The following GSR variants were observed in gnomAD, a reference collection of about 807,000 sequenced individuals.
The protein encoded by GSR is glutathione-disulfide reductase.
A neutral mutation model predicts 56.5 loss-of-function variants in GSR; 48 were observed. That is an observed-to-expected ratio of 0.85 (90% CI 0.67 to 1.08). The LOEUF (loss-of-function observed/expected upper bound fraction) is 1.08. Among genes scored for constraint, GSR ranks in the 50% least tolerant of loss-of-function variants. The pLI is 0.00. For synonymous variants in GSR, 264 were observed against 270.8 expected (o/e 0.97, Z 0.25); for missense variants, 694 against 703.3 (o/e 0.99, Z 0.15).
At chr8:30,690,491 AAAGT>A (rs2128740530) in intron 8 of GSR, among the ~76,000 whole-genome samples, 1 of 152,200 alleles carries the variant, frequency 6.6e-6, no homozygotes, top group Admixed American at 6.6e-5. Context: ...GGAATGAAGG[AAAGT>A]AAGACTTGGG....
intron 9 of GSR, among the ~76,000 whole-genome samples, chr8:30,686,009 A>C (rs1320789449): frequency 6.6e-6 from 1 of 151,210 alleles, no homozygotes; most frequent in East Asian, 1.9e-4. Flanking sequence ...AAAAAAAAAA[A>C]AAAAGAGTAC....
At chr8:30,686,503 C>T (rs1162559707) in intron 9 of GSR, among the ~76,000 whole-genome samples, 9 of 151,898 alleles carry the variant, frequency 5.9e-5, no homozygotes, top group Admixed American at 2.0e-4. Flanking sequence ...GGTAATACAG[C>T]GAGACCTTGT....
At chr8:30,689,901 T>A (rs1386206576) in intron 8 of GSR, among the ~76,000 whole-genome samples, 1 of 142,806 alleles carries the variant, frequency 7.0e-6, no homozygotes, top group African/African-American at 2.5e-5. Context: ...AATTATATTT[T>A]TATTAAATAT....
chr8:30,708,178 TC>T (rs776645938), intron 3 of GSR, 37 bp from the exon 4 acceptor site: 1 of 1,439,920 alleles, frequency 6.9e-7, no homozygotes, highest in Non-Finnish European at 9.8e-7. Flanking sequence ...AGAAACAGGA[TC>T]TTCCCCTTCT....
chr8:30,703,203 G>C lies in GSR; in HGVS notation c.530C>G (p.Thr177Arg). ...CTCTATTGTGGGCTTGGGATCACTCGTGAAGGCTGCATGGCCACGGATGAT... is the reference window on the plus strand; with the variant it reads ...CTCTATTGTGGGCTTGGGATCACTCCTGAAGGCTGCATGGCCACGGATGAT... ...IEIIRGHAAF[T>R]SDPKPTIEVS... Residue 177 changes from threonine (T) to arginine (R), a missense_variant, in exon 5 of 13, where the codon ACG (threonine) becomes AGG (arginine). Transcript: ENST00000221130. 6.2e-7 allele frequency: 1 copy of C among 1,613,932 alleles called. No individual in the cohort carries two copies. Among genetic ancestry groups the C allele is most frequent in the Non-Finnish European group, 8.5e-7 (1 of 1,179,836 alleles).
chr8:30,697,422 AAAACAAAC>A (rs150485496), intron 6 of GSR, among the ~76,000 whole-genome samples: 20 of 148,276 alleles, frequency 1.3e-4, no homozygotes, highest in African/African-American at 2.5e-4. Context: ...TCAAAAAAAC[AAAACAAAC>A]AAACAAACAA....
Position 30,689,291 on chromosome 8 carries a change from C to A in GSR, c.911G>T (p.Gly304Val), listed in dbSNP as rs1274738448. The change falls in exon 9 of 13, where the codon GGC becomes GTC. Residue 304 changes from glycine to valine, a missense_variant. By Grantham distance (109) the Gly-to-Val change is moderately radical (BLOSUM62 -3). Coordinates refer to ENST00000221130, the MANE Select transcript of GSR (RefSeq NM_000637.5). The part of the protein sequence containing the change: ...QVKEVKKTLS[G>V]LEVSMVTAVP... ...TGCAGTAACCATGCTGACTTCCAAGCCCGACAAAGTCTTTTTAACCTCCTT... is the reference window on the plus strand; with the variant it reads ...TGCAGTAACCATGCTGACTTCCAAGACCGACAAAGTCTTTTTAACCTCCTT... 2 of 1,614,082 alleles carry A rather than the reference C, an allele frequency of 1.2e-6. No homozygotes were observed. Among genetic ancestry groups the A allele is most frequent in the African/African-American group, 1.3e-5 (1 of 75,044 alleles).
At chr8:30,704,542 T>C (rs1230002486) in intron 4 of GSR, 1 of 152,220 alleles carries the variant, frequency 6.6e-6, no homozygotes, top group Non-Finnish European at 1.5e-5. Flanking sequence ...ACTTTTGGAT[T>C]TGCTCTTACT....
chr8:30,680,338 G>C (rs1802900425), intron 12 of GSR, among the ~76,000 whole-genome samples: 1 of 150,086 alleles, frequency 6.7e-6, no homozygotes, highest in Non-Finnish European at 1.5e-5. Flanking sequence ...CAAAGTGTTA[G>C]GATTATAGGC....
At chr8:30,695,437 T>C (rs1258843341) in intron 7 of GSR, among the ~76,000 whole-genome samples, 2 of 152,224 alleles carry the variant, frequency 1.3e-5, no homozygotes, top group South Asian at 2.1e-4. Context: ...TTTCACCATG[T>C]TGGCCAGGCT....
Position 30,712,925 on chromosome 8 carries a change from TATC to T in GSR, c.307-840_307-838del, listed in dbSNP as rs1296589446. On this transcript the variant is annotated intron_variant, in intron 1 of 12. Coordinates refer to ENST00000221130, the MANE Select transcript of GSR (RefSeq NM_000637.5). ...AAGCGAAATGCACAAATGCACAGAT[TATC>T]ATGTTATGTACAAATACATATTTGG... is the stretch of plus-strand genomic sequence containing the variant. Among the ~76,000 whole-genome samples, 40 of 152,346 alleles carry T rather than the reference TATC, an allele frequency of 2.6e-4. 1 individual carries two copies. Among genetic ancestry groups the T allele is most frequent in the African/African-American group, 9.6e-4 (40 of 41,594 alleles).
intron 6 of GSR, among the ~76,000 whole-genome samples, chr8:30,698,597 T>C (rs1803625554): frequency 6.6e-6 from 1 of 152,222 alleles, no homozygotes; most frequent in Non-Finnish European, 1.5e-5. Context: ...CACCATCCTA[T>C]GGAACTGCAA....
At chr8:30,681,688 T>A (rs1194739940) in intron 11 of GSR, among the ~76,000 whole-genome samples, 1 of 151,760 alleles carries the variant, frequency 6.6e-6, no homozygotes, top group Non-Finnish European at 1.5e-5. Context: ...AAATTTAAAA[T>A]TAGTTCAAAT....
chr8:30,699,310 T>A (rs1586048940), intron 6 of GSR, among the ~76,000 whole-genome samples: 1 of 151,566 alleles, frequency 6.6e-6, no homozygotes, highest in Admixed American at 6.6e-5. Context: ...AAATGTTTGT[T>A]CATTAAAAGA....
rs749292304 is a variant in GSR, at chr8:30,709,866, G to T, written c.370C>A (p.His124Asn). ...GGAAAGCCATAATCAGCATGATCAT[G>T]CATGAATTCAGAGTGGACAGCTGTG... ...WNTAVHSEFM[H>N]DHADYGFPSC... The change falls in exon 3 of 13, where the codon CAT becomes AAT. Residue 124 changes from histidine (H) to asparagine (N), a missense_variant. Transcript: ENST00000221130. 3.8e-6 allele frequency: 6 copies of T among 1,573,950 alleles called. No individual in the cohort carries two copies. Among genetic ancestry groups the T allele is most frequent in the Admixed American group, 3.4e-5 (2 of 59,164 alleles).
chr8:30,710,600 G>C (rs960061387), intron 2 of GSR, among the ~76,000 whole-genome samples: 2 of 149,600 alleles, frequency 1.3e-5, no homozygotes, highest in Non-Finnish European at 3.0e-5. Flanking sequence ...CACGCCTGTA[G>C]TCCCAGCTAC....
chr8:30,717,362 C>T (rs1242980911), intron 1 of GSR, among the ~76,000 whole-genome samples: 2 of 152,204 alleles, frequency 1.3e-5, no homozygotes, highest in East Asian at 1.9e-4. Context: ...GTTGGAATTA[C>T]AAGCATGAGC....
intron 6 of GSR, among the ~76,000 whole-genome samples, chr8:30,698,998 T>C (rs1803638696): frequency 6.6e-6 from 1 of 152,174 alleles, no homozygotes; most frequent in African/African-American, 2.4e-5. Flanking sequence ...TCTATGAATC[T>C]AAATCCATTC....
intron 4 of GSR, 116 bp downstream of exon 4, chr8:30,707,956 C>T: frequency 1.6e-6 from 1 of 634,740 alleles, no homozygotes; most frequent in Non-Finnish European, 2.6e-6. Flanking sequence ...GACCCTGTCT[C>T]CAAAAAAATA....
Sources: gnomAD v4.1 joint callset for allele counts (sites outside exome capture counted in the v4.1 genomes callset) on GRCh38, gnomAD v4.1.1 for gene constraint, MANE v1.5 for transcripts, NCBI Gene and HGNC (gene_info 2026-07-23, HGNC 2026-07-21) for gene names.